TNFRSF10B: variants seen among roughly 807,000 people sequenced by gnomAD.
TNFRSF10B encodes tumor necrosis factor receptor superfamily member 10B.
A neutral mutation model predicts 41.4 loss-of-function variants in TNFRSF10B; 35 were observed. The ratio of observed to expected loss-of-function variants is 0.85; its 90% CI spans 0.65 to 1.12. TNFRSF10B has a LOEUF of 1.12. Among genes scored for constraint, TNFRSF10B ranks in the 50% most tolerant of loss-of-function variants. The pLI is 0.00. For missense variants in TNFRSF10B, 584 were observed against 552.7 expected, an observed-to-expected ratio of 1.06 and a Z score of -0.57; for synonymous variants, 230 against 215.5, an observed-to-expected ratio of 1.07 and a Z score of -0.59.
chr8:23,032,206 AG>A (rs1281607501), intron 2 of TNFRSF10B, among the ~76,000 whole-genome samples: 1 of 152,192 alleles, frequency 6.6e-6, no homozygotes, highest in Non-Finnish European at 1.5e-5. Flanking sequence ...CTACTATATT[AG>A]ACAGTGCCAT....
intron 1 of TNFRSF10B, among the ~76,000 whole-genome samples, chr8:23,045,739 A>G (rs1427140008): frequency 6.6e-6 from 1 of 152,260 alleles, no homozygotes; most frequent in Non-Finnish European, 1.5e-5. Flanking sequence ...ATCATTGACC[A>G]TGATAAAATG....
At chr8:23,060,462 T>A (rs1274568220) in intron 1 of TNFRSF10B, among the ~76,000 whole-genome samples, 1 of 152,206 alleles carries the variant, frequency 6.6e-6, no homozygotes, top group African/African-American at 2.4e-5. Flanking sequence ...ATGTGAGTGT[T>A]TATTTCTGGC....
chr8:23,058,246 C>CAA (rs1225731961), intron 1 of TNFRSF10B, among the ~76,000 whole-genome samples: 1 of 150,884 alleles, frequency 6.6e-6, no homozygotes, highest in Non-Finnish European at 1.5e-5. Context: ...GACTCTGTCT[C>CAA]AAAAAAAAAT....
chr8:23,063,669 G>T (rs139419635), intron 1 of TNFRSF10B, among the ~76,000 whole-genome samples: 7 of 152,054 alleles, frequency 4.6e-5, no homozygotes, highest in African/African-American at 9.7e-5. Flanking sequence ...CCTCCTTCAC[G>T]ATAATGCAAC....
chr8:23,047,646 A>T (rs1812402476), intron 1 of TNFRSF10B, among the ~76,000 whole-genome samples: 1 of 152,156 alleles, frequency 6.6e-6, no homozygotes, highest in Non-Finnish European at 1.5e-5. Flanking sequence ...AATTAAAACC[A>T]CAATGAGATA....
chr8:23,057,185 G>A (rs940340263), intron 1 of TNFRSF10B, among the ~76,000 whole-genome samples: 3 of 150,982 alleles, frequency 2.0e-5, no homozygotes, highest in African/African-American at 7.4e-5. Context: ...GACTACAGGA[G>A]CCCACCACCA....
At chr8:23,066,579 A>G (rs1347848328) in intron 1 of TNFRSF10B, among the ~76,000 whole-genome samples, 1 of 152,200 alleles carries the variant, frequency 6.6e-6, no homozygotes, top group Non-Finnish European at 1.5e-5. Context: ...GAGACAGAGT[A>G]TTTGAAGAAA....
At chr8:23,054,816 T>C (rs1052498892) in intron 1 of TNFRSF10B, among the ~76,000 whole-genome samples, 4 of 152,206 alleles carry the variant, frequency 2.6e-5, no homozygotes, top group African/African-American at 4.8e-5. Flanking sequence ...AAAAAGGTCT[T>C]ATCTCAGATT....
At chr8:23,036,674 G>A (rs1019251840) in intron 2 of TNFRSF10B, among the ~76,000 whole-genome samples, 1 of 152,194 alleles carries the variant, frequency 6.6e-6, no homozygotes, top group Admixed American at 6.5e-5. Context: ...GTGAAACCTC[G>A]TCTCTACTAA....
In TNFRSF10B at chr8:23,029,625, C is replaced by T. The variant is rs751372067; in HGVS notation, c.461G>A (p.Arg154Gln). The change falls in exon 4 of 9, where the codon CGG becomes CAG. Residue 154 changes from arginine (R) to glutamine (Q), a missense_variant. Transcript: ENST00000276431. ...CCTGTCTCACCCTGTGCGGCACTTC[C>T]GGCACATCTCAGGAGAATCTTCTTC... The part of the protein sequence containing the change: ...FREEDSPEMC[R>Q]KCRTGCPRGM... 15 of 1,611,154 alleles carry T rather than the reference C, an allele frequency of 9.3e-6. No homozygotes were observed. Among genetic ancestry groups the T allele is most frequent in the Middle Eastern group, 1.7e-4 (1 of 6,060 alleles).
In TNFRSF10B at chr8:23,020,908, C is replaced by G; in HGVS notation, c.*1763G>C. On this transcript the variant is annotated 3_prime_UTR_variant, in exon 9 of 9. Coordinates refer to ENST00000276431, the MANE Select transcript of TNFRSF10B (RefSeq NM_003842.5). ...CCTTCCAGAAGTGCAGGGGACAACGCGTGGGATGCCAGATGGAAGTGGGAG... is the reference window on the plus strand; with the variant it reads ...CCTTCCAGAAGTGCAGGGGACAACGGGTGGGATGCCAGATGGAAGTGGGAG... The G allele has an allele frequency of 2.2e-6, 1 of 453,986 alleles. No homozygotes were observed. Among genetic ancestry groups the G allele is most frequent in the Non-Finnish European group, 4.4e-6 (1 of 226,768 alleles). The allele number at this position is 453,986 out of a possible 1,614,324, so 28.1% of individuals were successfully genotyped here.
rs1396532103 is a variant in TNFRSF10B at position 23,020,526 on chromosome 8, T to C, written c.*2145A>G. 4.5e-6 allele frequency: 2 copies of C among 447,138 alleles called. No individual in the cohort carries two copies. The highest frequency in any genetic ancestry group is 9.0e-6 in the Non-Finnish European group (2 of 222,456). The allele number at this position is 447,138 out of a possible 1,614,324, so 27.7% of individuals were successfully genotyped here. On this transcript the variant is annotated 3_prime_UTR_variant, in exon 9 of 9. Coordinates refer to ENST00000276431, the MANE Select transcript of TNFRSF10B (RefSeq NM_003842.5). The stretch of plus-strand genomic sequence containing the variant: ...GACCAACATGGTGAAACCCCGTCTC[T>C]ACTAAAAATACAAAAATTAGCCAGG...
chr8:23,064,927 A>C (rs184523222), intron 1 of TNFRSF10B, among the ~76,000 whole-genome samples: 1 of 152,316 alleles, frequency 6.6e-6, no homozygotes, highest in African/African-American at 2.4e-5. Context: ...AAACCATATT[A>C]TCCTGGCCAA....
chr8:23,063,649 C>T (rs1482908220), intron 1 of TNFRSF10B, among the ~76,000 whole-genome samples: 1 of 152,186 alleles, frequency 6.6e-6, no homozygotes, highest in African/African-American at 2.4e-5. Flanking sequence ...TCTGCCTCAG[C>T]TGCCACTTGC....
chr8:23,052,077 A>G (rs1812535024), intron 1 of TNFRSF10B, among the ~76,000 whole-genome samples: 1 of 152,152 alleles, frequency 6.6e-6, no homozygotes, highest in Non-Finnish European at 1.5e-5. Flanking sequence ...AATGACAACT[A>G]TCGCAGTTTT....
At position 23,028,548 on chromosome 8, in the gene TNFRSF10B, TTCGATGTCAC is replaced by T. The variant is rs773232768; in HGVS notation, c.521_530del (p.Ser174AsnfsTer22). 1 of 1,613,990 alleles carries T rather than the reference TTCGATGTCAC, an allele frequency of 6.2e-7. No individual in the cohort carries two copies. The highest frequency in any genetic ancestry group is 8.5e-7 in the Non-Finnish European group (1 of 1,179,956). ...TTGTACCTGATTCTTTGTGGACACA[TTCGATGTCAC>T]TCCAGGGTGTACAATCACCGACCTT... is the stretch of plus-strand genomic sequence containing the variant. On this transcript the variant is annotated frameshift_variant, in exon 5 of 9. Transcript: ENST00000276431. LOFTEE classifies it high-confidence loss of function.
chr8:23,039,768 A>G (rs1177553465), intron 2 of TNFRSF10B, among the ~76,000 whole-genome samples: 1 of 152,206 alleles, frequency 6.6e-6, no homozygotes, highest in African/African-American at 2.4e-5. Flanking sequence ...TGACAGCAAC[A>G]ATAGAAAGCT....
Position 23,020,542 on chromosome 8 carries a change from A to G in TNFRSF10B, c.*2129T>C, listed in dbSNP as rs1176241737. On this transcript the variant is annotated 3_prime_UTR_variant, in exon 9 of 9. Transcript: ENST00000276431. ...CCCCGTCTCTACTAAAAATACAAAAATTAGCCAGGCGTGGTGGCGGGTGCC... is the reference window on the plus strand; with the variant it reads ...CCCCGTCTCTACTAAAAATACAAAAGTTAGCCAGGCGTGGTGGCGGGTGCC... 2.2e-6 allele frequency: 1 copy of G among 445,866 alleles called. No individual in the cohort carries two copies. Among genetic ancestry groups the G allele is most frequent in the East Asian group, 7.0e-5 (1 of 14,250 alleles). The allele number at this position is 445,866 out of a possible 1,614,324, so 27.6% of individuals were successfully genotyped here.
rs1015648299 is a variant in TNFRSF10B, at chr8:23,043,074, A to G, written c.250+64T>C. Reference sequence around the variant, plus strand: ...AAGAACAAGGAAGTGCAAAGGAAACAGACTGGAAGCTCATGGAGACAAGGG... The same window carrying G: ...AAGAACAAGGAAGTGCAAAGGAAACGGACTGGAAGCTCATGGAGACAAGGG... On this transcript the variant is annotated intron_variant, in intron 2 of 8. Coordinates refer to ENST00000276431, the MANE Select transcript of TNFRSF10B (RefSeq NM_003842.5). 4 of 1,476,020 alleles carry G rather than the reference A, an allele frequency of 2.7e-6. No individual in the cohort carries two copies. The Admixed American group carries it at 5.2e-5, about 19-fold the overall frequency. 91.4% of individuals were successfully genotyped at this position (1,476,020 alleles called of 1,614,324 possible).
Sources: allele counts gnomAD v4.1 joint callset (sites outside exome capture counted in the v4.1 genomes callset), GRCh38; gene constraint gnomAD v4.1.1; transcripts MANE v1.5; gene names NCBI Gene and HGNC (gene_info 2026-07-23, HGNC 2026-07-21).